GNL3L: variants seen among roughly 807,000 people sequenced by gnomAD.
GNL3L encodes G protein nucleolar 3 like.
In GNL3L, 4 loss-of-function variants were observed where a neutral mutation model predicts 42.9. The observed-to-expected ratio is 0.09, with a 90% CI of 0.05 to 0.21. The LOEUF is 0.21. GNL3L is among the 10% of genes least tolerant of loss of function. GNL3L has a pLI of 1.00. For synonymous variants in GNL3L, 159 were observed against 176.3 expected (o/e 0.90, Z 0.78); for missense variants, 412 against 481.7 (o/e 0.86, Z 1.36).
the GNL3L span, among the ~76,000 whole-genome samples, chrX:54,644,542 T>C: frequency 8.9e-6 from 1 of 112,163 alleles, no homozygotes; most frequent in East Asian, 2.8e-4. Context: ...CTCATTGAAT[T>C]GGAATGTCAC....
intron 16 of GNL3L, among the ~76,000 whole-genome samples, chrX:54,575,865 G>A (rs748136360): frequency 8.9e-6 from 1 of 111,882 alleles, no homozygotes; most frequent in African/African-American, 3.2e-5. Flanking sequence ...AGCCGAGATC[G>A]CACCATTGCA....
At chrX:54,575,901 G>A (rs1925629282) in intron 16 of GNL3L, among the ~76,000 whole-genome samples, 1 of 111,833 alleles carries the variant, frequency 8.9e-6, no homozygotes, top group South Asian at 3.7e-4. Flanking sequence ...CAAGAGTGAA[G>A]CTCCATCTCA....
intron 1 of GNL3L, among the ~76,000 whole-genome samples, chrX:54,531,930 A>G (rs978092307): frequency 3.7e-5 from 4 of 109,496 alleles, no homozygotes; most frequent in Admixed American, 2.9e-4. Flanking sequence ...ACAGATTTTT[A>G]CCCCCTCCTC....
At chrX:54,569,256 T>G, downstream of GNL3L, among the ~76,000 whole-genome samples, 1 of 111,980 alleles carries the variant, frequency 8.9e-6, no homozygotes, top group Admixed American at 9.6e-5. Context: ...GGGAAGTGTT[T>G]CCTGTTTTTG....
At chrX:54,586,547 G>C (rs192965011) in intron 16 of GNL3L, among the ~76,000 whole-genome samples, 3 of 111,800 alleles carry the variant, frequency 2.7e-5, no homozygotes, top group Admixed American at 1.9e-4. Context: ...GGCAACCTCC[G>C]TGGCTGCAAA....
At chrX:54,638,818 T>A in the GNL3L span, among the ~76,000 whole-genome samples, 2 of 112,246 alleles carry the variant, frequency 1.8e-5, no homozygotes, top group South Asian at 7.4e-4. Flanking sequence ...CTTTCAATTT[T>A]TCGTTATTGC....
At chrX:54,618,265 T>C (rs1370560445) in intron 16 of GNL3L, among the ~76,000 whole-genome samples, 2 of 111,575 alleles carry the variant, frequency 1.8e-5, no homozygotes, top group Non-Finnish European at 3.8e-5. Flanking sequence ...TATTAAACTC[T>C]GCTTATCATC....
At chrX:54,551,468 C>T (rs1924935760) in intron 10 of GNL3L, 100 bp from the exon 11 acceptor site, 1 of 668,637 alleles carries the variant, frequency 1.5e-6, no homozygotes, top group Admixed American at 2.7e-5. Flanking sequence ...CTAATGCACC[C>T]TCCCCTCACT....
At chrX:54,535,836 C>T (rs1924405280) in intron 2 of GNL3L, among the ~76,000 whole-genome samples, 1 of 111,578 alleles carries the variant, frequency 9.0e-6, no homozygotes, top group African/African-American at 3.3e-5. Context: ...GATCATGGCT[C>T]ACCACAACCT....
intron 14 of GNL3L, among the ~76,000 whole-genome samples, chrX:54,555,021 AT>A (rs752860292): frequency 9.3e-6 from 1 of 107,280 alleles, no homozygotes; most frequent in Non-Finnish European, 1.9e-5. Flanking sequence ...TTATTTTTTT[AT>A]TTTTTTTTGA....
At chrX:54,567,646 CAAAA>C (rs773348759), downstream of GNL3L, among the ~76,000 whole-genome samples, 1 of 76,490 alleles carries the variant, frequency 1.3e-5, no homozygotes, top group African/African-American at 4.9e-5. Flanking sequence ...AACTCCATCT[CAAAA>C]AAAAAAAAAA....
At chrX:54,637,387 G>C in the GNL3L span, among the ~76,000 whole-genome samples, 1 of 112,164 alleles carries the variant, frequency 8.9e-6, no homozygotes, top group African/African-American at 3.2e-5. Flanking sequence ...ACCGCTAGAA[G>C]TGTCAGGCTG....
chrX:54,588,622 C>T (rs1285788549), intron 16 of GNL3L, among the ~76,000 whole-genome samples: 8 of 110,000 alleles, frequency 7.3e-5, no homozygotes, highest in African/African-American at 9.9e-5. Context: ...GTCAGGAGTT[C>T]GAGACCAGCC....
At chrX:54,573,157 A>T (rs1453722300) in intron 16 of GNL3L, among the ~76,000 whole-genome samples, 1 of 112,288 alleles carries the variant, frequency 8.9e-6, no homozygotes, top group Non-Finnish European at 1.9e-5. Flanking sequence ...GGCCGGGCAG[A>T]GGCTGCAATC....
At chrX:54,555,988 A>T (rs1277121929) in intron 14 of GNL3L, among the ~76,000 whole-genome samples, 1 of 110,155 alleles carries the variant, frequency 9.1e-6, no homozygotes, top group Non-Finnish European at 1.9e-5. Flanking sequence ...TGAGGAGTTC[A>T]TATTTTAGTG....
the GNL3L span, among the ~76,000 whole-genome samples, chrX:54,640,722 C>T: frequency 1.1e-4 from 12 of 112,135 alleles, no homozygotes; most frequent in South Asian, 3.7e-4. Flanking sequence ...CTTGTCGACC[C>T]GCTTTCCTGA....
At chrX:54,609,889 G>A (rs1926142453) in intron 16 of GNL3L, among the ~76,000 whole-genome samples, 1 of 111,487 alleles carries the variant, frequency 9.0e-6, no homozygotes, top group Admixed American at 9.5e-5. Context: ...TGTGTGGAAT[G>A]ATGGTGGTAT....
chrX:54,642,797 T>C, the GNL3L span, among the ~76,000 whole-genome samples: 1 of 112,038 alleles, frequency 8.9e-6, no homozygotes, highest in African/African-American at 3.2e-5. Context: ...TGCTCATTTA[T>C]GTAATTGTTT....
the GNL3L span, among the ~76,000 whole-genome samples, chrX:54,638,116 G>A: frequency 5.4e-5 from 6 of 111,683 alleles, no homozygotes; most frequent in South Asian, 3.7e-4. Flanking sequence ...TCCTTCTTCC[G>A]CAATATTTTA....
Sources: allele counts gnomAD v4.1 joint callset (sites outside exome capture counted in the v4.1 genomes callset), GRCh38; gene constraint gnomAD v4.1.1; transcripts MANE v1.5; gene names NCBI Gene and HGNC (gene_info 2026-07-23, HGNC 2026-07-21).